The following ENPP6 variants were observed in gnomAD, a reference collection of about 807,000 sequenced individuals.
ENPP6 encodes ectonucleotide pyrophosphatase/phosphodiesterase 6.
ENPP6 carries 32 observed loss-of-function variants against 42.0 expected under a neutral mutation model. That is an observed-to-expected ratio of 0.76 (90% CI 0.58 to 1.02). The LOEUF is 1.02. ENPP6 is among the 50% of genes least tolerant of loss of function. The pLI, the probability that ENPP6 is intolerant of heterozygous loss-of-function variation, is 0.00. For missense variants in ENPP6, 552 were observed against 566.8 expected, an observed-to-expected ratio of 0.97 and a Z score of 0.27; for synonymous variants, 213 against 216.0, an observed-to-expected ratio of 0.99 and a Z score of 0.12.
chr4:184,162,576 A>AAAG (rs1560997451), intron 1 of ENPP6, among the ~76,000 whole-genome samples: 27,273 of 145,186 alleles, frequency 0.19, 2,749 homozygotes, highest in Non-Finnish European at 0.22. Context: ...AGGAAGGAAG[A>AAAG]AAGGAAGGAA....
At position 184,116,842 on chromosome 4, in the gene ENPP6, CG is replaced by C; in HGVS notation, c.855+13del. 1.2e-6 allele frequency: 2 copies of C among 1,612,620 alleles called. No homozygotes were observed. The highest frequency in any genetic ancestry group is 1.7e-6 in the Non-Finnish European group (2 of 1,179,708). On this transcript the variant is annotated intron_variant, in intron 5 of 7. Coordinates refer to ENST00000296741, the MANE Select transcript of ENPP6 (RefSeq NM_153343.4). Reference sequence around the variant, plus strand: ...CCACATGGCCCTCCTCCGCCCCCCACGGGTCTGTCTTGCCTCAGAGTGTTTC... The same window carrying C: ...CCACATGGCCCTCCTCCGCCCCCCACGGTCTGTCTTGCCTCAGAGTGTTTC...
chr4:184,175,663 A>G (rs1351493680), intron 1 of ENPP6, among the ~76,000 whole-genome samples: 1 of 152,220 alleles, frequency 6.6e-6, no homozygotes, highest in Non-Finnish European at 1.5e-5. Flanking sequence ...ACAACTGGAA[A>G]GTTTGTGATG....
intron 2 of ENPP6, among the ~76,000 whole-genome samples, chr4:184,148,556 T>C (rs1365895172): frequency 1.3e-5 from 2 of 152,202 alleles, no homozygotes; most frequent in African/African-American, 4.8e-5. Flanking sequence ...TTGAAGATCA[T>C]TTTGTGGAGA....
At chr4:184,205,078 C>T (rs1732973034) in intron 1 of ENPP6, among the ~76,000 whole-genome samples, 1 of 152,010 alleles carries the variant, frequency 6.6e-6, no homozygotes, top group African/African-American at 2.4e-5. Context: ...TTATGGCACC[C>T]ACCACTACAA....
Position 184,090,664 on chromosome 4 carries a change from A to G in ENPP6, c.*513T>C, listed in dbSNP as rs1227438131. 1 of 224,780 alleles carries G rather than the reference A, an allele frequency of 4.4e-6. No homozygotes were observed. The allele number at this position is 224,780 out of a possible 1,614,324, so 13.9% of individuals were successfully genotyped here. ...AAAAATTCCATGAGCTGGGTCAGAA[A>G]TAGACAGTAGCTTTTGCTTTCATGT... On this transcript the variant is annotated 3_prime_UTR_variant, in exon 8 of 8. Transcript: ENST00000296741.
intron 5 of ENPP6, among the ~76,000 whole-genome samples, chr4:184,114,326 T>C (rs546591217): frequency 2.6e-5 from 4 of 152,318 alleles, no homozygotes; most frequent in Non-Finnish European, 4.4e-5. Flanking sequence ...TAAAATCGAC[T>C]GACTGATATT....
rs1461660493 is a variant in ENPP6, at chr4:184,170,297, G to C, written c.242-16564C>G. Among the ~76,000 whole-genome samples, 4 of 152,168 alleles carry C rather than the reference G, an allele frequency of 2.6e-5. No individual in the cohort carries two copies. The East Asian group carries it at 7.7e-4, about 29-fold the overall frequency. ...ATACAAAAATTAGCTGTGTGTGGTG[G>C]TGTGCACCTGTAGTACTAGCTGCTC... On this transcript the variant is annotated intron_variant, in intron 1 of 7. Coordinates refer to ENST00000296741, the MANE Select transcript of ENPP6 (RefSeq NM_153343.4).
At chr4:184,177,817 AAGC>A (rs1357013209) in intron 1 of ENPP6, among the ~76,000 whole-genome samples, 6 of 152,330 alleles carry the variant, frequency 3.9e-5, no homozygotes, top group African/African-American at 1.2e-4. Flanking sequence ...GATAAACAGA[AAGC>A]AACAACAACA....
intron 2 of ENPP6, among the ~76,000 whole-genome samples, chr4:184,141,867 T>C (rs1423895563): frequency 6.6e-6 from 1 of 152,214 alleles, no homozygotes; most frequent in Non-Finnish European, 1.5e-5. Context: ...TTTATAACAC[T>C]TTTTTGGCTT....
chr4:184,112,484 C>G lies in ENPP6; in HGVS notation c.993+188G>C, dbSNP rs563631969. The G allele has an allele frequency of 1.9e-5, 13 of 674,012 alleles. No homozygotes were observed. In the Admixed American group the frequency reaches 3.6e-4, roughly 19 times the overall value. 41.8% of individuals were successfully genotyped at this position (674,012 alleles called of 1,614,324 possible). ...AGTCTAAACCATGACTCTGGGTTCGCGTCTACAGTTGTGTCTACAAAGTTA... is the reference window on the plus strand; with the variant it reads ...AGTCTAAACCATGACTCTGGGTTCGGGTCTACAGTTGTGTCTACAAAGTTA... On this transcript the variant is annotated intron_variant, in intron 6 of 7. Transcript: ENST00000296741.
chr4:184,115,713 C>T (rs1250871882), intron 5 of ENPP6, among the ~76,000 whole-genome samples: 1 of 152,182 alleles, frequency 6.6e-6, no homozygotes, highest in Non-Finnish European at 1.5e-5. Flanking sequence ...TGTCTGGCTT[C>T]CAACTGAACA....
At chr4:184,112,934 G>T in intron 5 of ENPP6, 125 bp from the exon 6 acceptor site, 1 of 1,142,526 alleles carries the variant, frequency 8.8e-7, no homozygotes, top group Non-Finnish European at 1.2e-6. Flanking sequence ...ATACTTGATA[G>T]ATTTGAATAT....
At chr4:184,127,228 GT>G (rs1279651078) in intron 2 of ENPP6, among the ~76,000 whole-genome samples, 1 of 152,094 alleles carries the variant, frequency 6.6e-6, no homozygotes, top group Non-Finnish European at 1.5e-5. Flanking sequence ...CATGTCATTT[GT>G]GAATATTATT....
chr4:184,151,619 C>T (rs1737026782), intron 2 of ENPP6, among the ~76,000 whole-genome samples: 1 of 152,198 alleles, frequency 6.6e-6, no homozygotes, highest in Admixed American at 6.5e-5. Flanking sequence ...AGATAATCCT[C>T]ATGGTATTGG....
intron 1 of ENPP6, among the ~76,000 whole-genome samples, chr4:184,202,418 G>A (rs1732917805): frequency 6.6e-6 from 1 of 152,162 alleles, no homozygotes; most frequent in Non-Finnish European, 1.5e-5. Flanking sequence ...GGTGAAGTCT[G>A]GAGTGGAACA....
chr4:184,097,085 G>A (rs1735923531), intron 7 of ENPP6, among the ~76,000 whole-genome samples, 160 bp downstream of exon 7: 1 of 152,220 alleles, frequency 6.6e-6, no homozygotes. Flanking sequence ...AAGGAAGCCA[G>A]CAAAAGATGT....
intron 1 of ENPP6, among the ~76,000 whole-genome samples, chr4:184,209,145 A>G (rs1361236855): frequency 4.6e-5 from 7 of 151,428 alleles, no homozygotes; most frequent in South Asian, 2.1e-4. Context: ...AAAAAACAGA[A>G]CAGAAAAACT....
intron 1 of ENPP6, among the ~76,000 whole-genome samples, chr4:184,164,568 C>T (rs138033027): frequency 1.8e-4 from 28 of 152,192 alleles, no homozygotes; most frequent in South Asian, 2.1e-4. Context: ...CCTGGGGCTA[C>T]GAGAAGCTAA....
chr4:184,153,057 T>A (rs1737083353), intron 2 of ENPP6, among the ~76,000 whole-genome samples: 1 of 152,084 alleles, frequency 6.6e-6, no homozygotes, highest in African/African-American at 2.4e-5. Flanking sequence ...AATAGCATTA[T>A]CTCTGGTCTG....
Sources: allele counts gnomAD v4.1 joint callset (sites outside exome capture counted in the v4.1 genomes callset), GRCh38; gene constraint gnomAD v4.1.1; transcripts MANE v1.5; gene names NCBI Gene and HGNC (gene_info 2026-07-23, HGNC 2026-07-21).